Variants in ELMO1 observed in about 807,000 individuals in gnomAD.
ELMO1 encodes the protein engulfment and cell motility protein 1.
In ELMO1, 26 loss-of-function variants were observed where a neutral mutation model predicts 98.9. That is an observed-to-expected ratio of 0.26 (90% CI 0.19 to 0.36). The LOEUF (loss-of-function observed/expected upper bound fraction) is 0.36. ELMO1 is among the 10% of genes least tolerant of loss of function. The pLI, the probability that ELMO1 is intolerant of heterozygous loss-of-function variation, is 1.00. For synonymous variants in ELMO1, 346 were observed against 346.0 expected (o/e 1.00, Z 0.00); for missense variants, 627 against 935.2 (o/e 0.67, Z 4.30).
At chr7:36,949,151 T>C (rs1787760168) in intron 16 of ELMO1, among the ~76,000 whole-genome samples, 1 of 151,964 alleles carries the variant, frequency 6.6e-6, no homozygotes, top group African/African-American at 2.4e-5. Context: ...CCACCATGCC[T>C]GGCCTGCTCA....
chr7:37,217,471 T>C (rs545313249), intron 10 of ELMO1, among the ~76,000 whole-genome samples: 1 of 150,840 alleles, frequency 6.6e-6, no homozygotes, highest in East Asian at 1.9e-4. Flanking sequence ...ACCGTTGTTT[T>C]GTGGTAGGGG....
At chr7:37,435,702 A>C (rs1368299401) in intron 1 of ELMO1, among the ~76,000 whole-genome samples, 1 of 152,220 alleles carries the variant, frequency 6.6e-6, no homozygotes, top group Non-Finnish European at 1.5e-5. Context: ...ATGGTTAGCA[A>C]CACATTTGAA....
At chr7:37,073,948 C>T (rs1359313114) in intron 15 of ELMO1, among the ~76,000 whole-genome samples, 1 of 150,712 alleles carries the variant, frequency 6.6e-6, no homozygotes, top group Non-Finnish European at 1.5e-5. Context: ...TTATACAGTC[C>T]AGATTTTGTG....
At chr7:37,294,742 GTAA>G (rs1797945928) in intron 4 of ELMO1, among the ~76,000 whole-genome samples, 1 of 152,214 alleles carries the variant, frequency 6.6e-6, no homozygotes, top group Admixed American at 6.5e-5. Context: ...GCTCACGCCT[GTAA>G]TCCCAACACT....
chr7:37,133,741 C>T (rs1316535826), intron 13 of ELMO1, among the ~76,000 whole-genome samples: 3 of 152,108 alleles, frequency 2.0e-5, no homozygotes, highest in Non-Finnish European at 1.5e-5. Context: ...GCTACACAGT[C>T]CACAGGCCTC....
At chr7:37,290,931 GAAGAA>G (rs2130950649) in intron 4 of ELMO1, among the ~76,000 whole-genome samples, 1 of 152,218 alleles carries the variant, frequency 6.6e-6, no homozygotes, top group Non-Finnish European at 1.5e-5. Context: ...TGATGACACT[GAAGAA>G]GAGAAGAGAA....
chr7:37,096,863 A>G, intron 14 of ELMO1, 136 bp from the exon 15 acceptor site: 1 of 784,806 alleles, frequency 1.3e-6, no homozygotes, highest in Non-Finnish European at 2.1e-6. Flanking sequence ...CCAGGACAAA[A>G]TAGTACTCCA....
At chr7:36,901,881 G>A (rs1313362613) in intron 16 of ELMO1, among the ~76,000 whole-genome samples, 13 of 152,298 alleles carry the variant, frequency 8.5e-5, no homozygotes, top group Admixed American at 8.5e-4. Flanking sequence ...AATACATGCA[G>A]GGTGGTTCAA....
At chr7:37,193,010 C>T (rs6943975) in intron 13 of ELMO1, among the ~76,000 whole-genome samples, 3,007 of 13,716 alleles carry the variant, frequency 0.22, 160 homozygotes, top group African/African-American at 0.36. Flanking sequence ...TATATATATA[C>T]ACACACACAC....
chr7:36,936,481 G>A (rs1291041352), intron 16 of ELMO1, among the ~76,000 whole-genome samples: 1 of 152,106 alleles, frequency 6.6e-6, no homozygotes, highest in Non-Finnish European at 1.5e-5. Flanking sequence ...TTTAGAGATG[G>A]GGGTCTCGCT....
chr7:37,279,868 C>T (rs1375766581), intron 4 of ELMO1, among the ~76,000 whole-genome samples: 1 of 152,168 alleles, frequency 6.6e-6, no homozygotes, highest in Non-Finnish European at 1.5e-5. Context: ...CACGGCCGGC[C>T]TTCCCCCACT....
Position 37,246,656 on chromosome 7 carries a change from T to C in ELMO1, c.414-2265A>G, listed in dbSNP as rs531516694. ...TCTGTAAAAAACAAAATCTTGTGTT[T>C]CAGTAGAAAACTAAGCAGCGCCTAC... On this transcript the variant is annotated intron_variant, in intron 6 of 21. Coordinates refer to ENST00000310758, the MANE Select transcript of ELMO1 (RefSeq NM_014800.11). Among the ~76,000 whole-genome samples the C allele has an allele frequency of 4.1e-4, 63 of 152,284 alleles. 1 individual carries two copies. Among genetic ancestry groups the C allele is most frequent in the Admixed American group, 1.4e-3 (22 of 15,304 alleles).
At position 37,371,562 on chromosome 7, in the gene ELMO1, T is replaced by C. The variant is rs193256363; in HGVS notation, c.-73-28799A>G. 2.3e-3 allele frequency among the ~76,000 whole-genome samples: 345 copies of C among 152,322 alleles called. 4 individuals carry two copies. The highest frequency in any genetic ancestry group is 7.9e-3 in the African/African-American group (328 of 41,568). ...GGGGGGGTTCCTTCAGTAATAAATA[T>C]GAAAGTACATATATATATATTTCAA... is the stretch of plus-strand genomic sequence containing the variant. On this transcript the variant is annotated intron_variant, in intron 1 of 21. Coordinates refer to ENST00000310758, the MANE Select transcript of ELMO1 (RefSeq NM_014800.11).
chr7:37,006,653 C>T (rs1793145065), intron 16 of ELMO1, among the ~76,000 whole-genome samples: 1 of 152,144 alleles, frequency 6.6e-6, no homozygotes, highest in Non-Finnish European at 1.5e-5. Context: ...TACACAAAGA[C>T]ATATACAATA....
chr7:37,228,036 T>A (rs188896227), intron 8 of ELMO1, among the ~76,000 whole-genome samples: 213 of 152,366 alleles, frequency 1.4e-3, no homozygotes, highest in Non-Finnish European at 2.1e-3. Flanking sequence ...CTCAATGCAT[T>A]ACAGTCCTAT....
intron 15 of ELMO1, among the ~76,000 whole-genome samples, chr7:37,080,436 CTTTTT>C (rs1192675212): frequency 7.3e-6 from 1 of 136,570 alleles, no homozygotes. Flanking sequence ...CACCATCCCA[CTTTTT>C]TTTTTTTTTT....
chr7:37,126,300 A>AATATATATATATATATAT (rs201860679), intron 14 of ELMO1, among the ~76,000 whole-genome samples: 29 of 134,096 alleles, frequency 2.2e-4, no homozygotes, highest in East Asian at 8.8e-4. Flanking sequence ...GTATAATTTA[A>AATATATATATATATATAT]ATATATATAT....
intron 1 of ELMO1, among the ~76,000 whole-genome samples, chr7:37,443,908 G>C (rs1312367470): frequency 6.6e-6 from 1 of 152,144 alleles, no homozygotes; most frequent in African/African-American, 2.4e-5. Flanking sequence ...GAAGTTCTCA[G>C]ACTCTTTTTT....
Position 37,259,138 on chromosome 7 carries a change from G to GA in ELMO1, c.413+42dup, listed in dbSNP as rs762795551. The stretch of plus-strand genomic sequence containing the variant: ...CATGTAACAATATTCAAAACGCGGA[G>GA]ACACGCAGGACAGCTGTGGAAGTTA... On this transcript the variant is annotated intron_variant, in intron 6 of 21. Coordinates refer to ENST00000310758, the MANE Select transcript of ELMO1 (RefSeq NM_014800.11). 3.2e-6 allele frequency: 5 copies of GA among 1,564,924 alleles called. No homozygotes were observed. The Admixed American group carries it at 7.5e-5, about 23-fold the overall frequency.
Sources: allele counts gnomAD v4.1 joint callset (sites outside exome capture counted in the v4.1 genomes callset), GRCh38; gene constraint gnomAD v4.1.1; transcripts MANE v1.5; gene names NCBI Gene and HGNC (gene_info 2026-07-23, HGNC 2026-07-21).